HS3ST2: variants seen among roughly 807,000 people sequenced by gnomAD.
HS3ST2 encodes the protein heparan sulfate-glucosamine 3-sulfotransferase 2, also known as heparan sulfate glucosamine 3-O-sulfotransferase 2.
HS3ST2 carries 17 observed loss-of-function variants against 26.3 expected under a neutral mutation model. That is an observed-to-expected ratio of 0.65 (90% CI 0.44 to 0.97). HS3ST2 has a LOEUF of 0.97. Ranked by LOEUF, HS3ST2 falls within the 50% of genes least tolerant of loss-of-function variation. The pLI is 0.00. For missense variants in HS3ST2, 402 were observed against 501.2 expected, an observed-to-expected ratio of 0.80 and a Z score of 1.89; for synonymous variants, 237 against 219.2, an observed-to-expected ratio of 1.08 and a Z score of -0.72.
intron 1 of HS3ST2, among the ~76,000 whole-genome samples, chr16:22,861,617 G>C (rs1457989269): frequency 6.6e-6 from 1 of 152,068 alleles, no homozygotes; most frequent in Non-Finnish European, 1.5e-5. Flanking sequence ...AGAGCACAGT[G>C]ACTAAAAGAA....
At chr16:22,858,317 C>A (rs1361685021) in intron 1 of HS3ST2, among the ~76,000 whole-genome samples, 1 of 150,322 alleles carries the variant, frequency 6.7e-6, no homozygotes, top group African/African-American at 2.5e-5. Context: ...TAAATATATA[C>A]ATCTAGTATG....
chr16:22,906,980 G>A (rs574448442), intron 1 of HS3ST2, among the ~76,000 whole-genome samples: 1 of 152,302 alleles, frequency 6.6e-6, no homozygotes, highest in Admixed American at 6.5e-5. Flanking sequence ...CCACACAAGG[G>A]CATGAGGGTG....
At chr16:22,879,799 C>A (rs1473045504) in intron 1 of HS3ST2, among the ~76,000 whole-genome samples, 4 of 152,148 alleles carry the variant, frequency 2.6e-5, no homozygotes, top group African/African-American at 9.7e-5. Flanking sequence ...ATGTTTGTGT[C>A]TGAAATTGTT....
At position 22,814,560 on chromosome 16, in the gene HS3ST2, C is replaced by A; in HGVS notation, c.-51C>A. The A allele has an allele frequency of 2.1e-6, 3 of 1,458,642 alleles. No individual in the cohort carries two copies. In the South Asian group the frequency reaches 4.2e-5, roughly 20 times the overall value. The allele number at this position is 1,458,642 out of a possible 1,614,324, so 90.4% of individuals were successfully genotyped here. A position where few individuals can be genotyped will look rare whatever the true frequency, so the allele number is the denominator to read the frequency against. ...CGACCGCAGGGCCACAGCAGCTCAG[C>A]CGCCGGTGCCCCCTCGGAAACCATG... On this transcript the variant is annotated 5_prime_UTR_variant, in exon 1 of 2. Transcript: ENST00000261374.
Position 22,866,318 on chromosome 16 carries a change from C to T in HS3ST2, c.486-48626C>T, listed in dbSNP as rs868809482. On this transcript the variant is annotated intron_variant, in intron 1 of 1. Coordinates refer to ENST00000261374, the MANE Select transcript of HS3ST2 (RefSeq NM_006043.2). ...AGGGGAGAATTCGCGCAAGCACGTG[C>T]GCGCGCGCGCACACACACACACACA... 7.7e-3 allele frequency among the ~76,000 whole-genome samples: 1,137 copies of T among 147,486 alleles called. 13 individuals carry two copies. The highest frequency in any genetic ancestry group is 0.027 in the African/African-American group (1,048 of 38,674).
At chr16:22,856,721 A>C (rs75423250) in intron 1 of HS3ST2, among the ~76,000 whole-genome samples, 3,364 of 152,170 alleles carry the variant, frequency 0.022, 109 homozygotes, top group African/African-American at 0.074. Context: ...TGATGTGTCC[A>C]TTTGGCCGTG....
At chr16:22,831,452 T>C (rs1178240257) in intron 1 of HS3ST2, among the ~76,000 whole-genome samples, 3 of 152,202 alleles carry the variant, frequency 2.0e-5, no homozygotes, top group Non-Finnish European at 2.9e-5. Context: ...AGCGCAGACA[T>C]GAAGAACTGG....
At chr16:22,912,962 C>T (rs1421169952) in intron 1 of HS3ST2, among the ~76,000 whole-genome samples, 1 of 152,050 alleles carries the variant, frequency 6.6e-6, no homozygotes, top group Non-Finnish European at 1.5e-5. Context: ...CCTCCTACCT[C>T]ATTAGGATTG....
chr16:22,861,058 G>A (rs768298507), intron 1 of HS3ST2, among the ~76,000 whole-genome samples: 8 of 151,968 alleles, frequency 5.3e-5, no homozygotes, highest in Admixed American at 2.6e-4. Context: ...AAATTTTTTT[G>A]TAGATATAGG....
chr16:22,867,994 A>G (rs777302506), intron 1 of HS3ST2, among the ~76,000 whole-genome samples: 5 of 152,230 alleles, frequency 3.3e-5, no homozygotes, highest in Non-Finnish European at 7.3e-5. Context: ...TATCCATTGT[A>G]TATGATCAAG....
At position 22,915,481 on chromosome 16, in the gene HS3ST2, GA is replaced by G; in HGVS notation, c.1024del (p.Ile342Ter). 1 of 1,614,034 alleles carries G rather than the reference GA, an allele frequency of 6.2e-7. No homozygotes were observed. Among genetic ancestry groups the G allele is most frequent in the Non-Finnish European group, 8.5e-7 (1 of 1,180,022 alleles). Reference sequence around the variant, plus strand: ...CTCATGTACAGATTGATCCTGAAGTGATAGACCAGCTCCGAGAATTTTATAG... The same window carrying G: ...CTCATGTACAGATTGATCCTGAAGTGTAGACCAGCTCCGAGAATTTTATAG... ...RTHVQIDPEV[I>X]DQLREFYRPY... On this transcript the variant is annotated frameshift_variant, in exon 2 of 2. Transcript: ENST00000261374. LOFTEE classifies it high-confidence loss of function.
chr16:22,913,537 A>T (rs772531799), intron 1 of HS3ST2, among the ~76,000 whole-genome samples: 5 of 152,216 alleles, frequency 3.3e-5, no homozygotes, highest in Non-Finnish European at 5.9e-5. Context: ...CTCATATCTA[A>T]AACAGTTGCT....
chr16:22,886,366 T>C (rs1902058270), intron 1 of HS3ST2, among the ~76,000 whole-genome samples: 1 of 152,190 alleles, frequency 6.6e-6, no homozygotes, highest in Non-Finnish European at 1.5e-5. Context: ...TGTCTCTCCA[T>C]TGGACACAGG....
rs1401517789 is a variant in HS3ST2, at chr16:22,915,988, G to A, written c.*426G>A. 1 of 171,968 alleles carries A rather than the reference G, an allele frequency of 5.8e-6. No homozygotes were observed. Among genetic ancestry groups the A allele is most frequent in the Non-Finnish European group, 1.2e-5 (1 of 80,150 alleles). The allele number at this position is 171,968 out of a possible 1,614,324, so 10.7% of individuals were successfully genotyped here. On this transcript the variant is annotated 3_prime_UTR_variant, in exon 2 of 2. Coordinates refer to ENST00000261374, the MANE Select transcript of HS3ST2 (RefSeq NM_006043.2). ...TCCAAGTGGCATGTATCTTCCCTCTGAGCTTCATTTCTTCAAGATGCTCTG... is the reference window on the plus strand; with the variant it reads ...TCCAAGTGGCATGTATCTTCCCTCTAAGCTTCATTTCTTCAAGATGCTCTG...
At chr16:22,892,858 G>A (rs908303000) in intron 1 of HS3ST2, among the ~76,000 whole-genome samples, 1 of 152,062 alleles carries the variant, frequency 6.6e-6, no homozygotes, top group Non-Finnish European at 1.5e-5. Flanking sequence ...TTAATATACT[G>A]ATCCAATAGA....
intron 1 of HS3ST2, among the ~76,000 whole-genome samples, chr16:22,891,042 A>T (rs920133808): frequency 6.6e-6 from 1 of 152,332 alleles, no homozygotes; most frequent in Non-Finnish European, 1.5e-5. Context: ...GTGGAATTTT[A>T]AAAAACGAGC....
rs564688770 is a variant in HS3ST2, at chr16:22,831,760, A to C, written c.485+16665A>C. Among the ~76,000 whole-genome samples the C allele has an allele frequency of 1.7e-3, 262 of 152,316 alleles. 1 individual carries two copies. Among genetic ancestry groups the C allele is most frequent in the African/African-American group, 6.2e-3 (257 of 41,584 alleles). ...CACTCTCAGACAAAATGAAAATGAC[A>C]GAGAACAAATCAGTAGTTCCAAGGG... On this transcript the variant is annotated intron_variant, in intron 1 of 1. Transcript: ENST00000261374.
chr16:22,907,590 G>C (rs1446519264), intron 1 of HS3ST2, among the ~76,000 whole-genome samples: 2 of 152,212 alleles, frequency 1.3e-5, no homozygotes, highest in African/African-American at 2.4e-5. Context: ...AGTTAAGAAT[G>C]ATTCTGAAGT....
chr16:22,914,632 G>A (rs1902466086), intron 1 of HS3ST2, among the ~76,000 whole-genome samples: 1 of 146,486 alleles, frequency 6.8e-6, no homozygotes. Context: ...AAGATGGGAA[G>A]ATGGGAAGAT....
Sources: gnomAD v4.1 joint callset for allele counts (sites outside exome capture counted in the v4.1 genomes callset) on GRCh38, gnomAD v4.1.1 for gene constraint, MANE v1.5 for transcripts, NCBI Gene and HGNC (gene_info 2026-07-23, HGNC 2026-07-21) for gene names.